Variants in SLFN12L observed in about 807,000 individuals in gnomAD.
SLFN12L encodes schlafen family member 12 like.
A neutral mutation model predicts 34.8 loss-of-function variants in SLFN12L; 34 were observed. The observed-to-expected ratio is 0.98, with a 90% confidence interval of 0.74 to 1.30. SLFN12L has a LOEUF of 1.30. Among genes scored for constraint, SLFN12L ranks in the 50% most tolerant of loss-of-function variants. SLFN12L has a pLI of 0.00. For synonymous variants in SLFN12L, 259 were observed against 247.5 expected (o/e 1.05, Z -0.44); for missense variants, 703 against 696.2 (o/e 1.01, Z -0.11).
At chr17:35,499,227 A>G (rs770593577) in intron 2 of SLFN12L, 2 of 904,034 alleles carry the variant, frequency 2.2e-6, no homozygotes, top group South Asian at 3.0e-5. Flanking sequence ...TAATTTGCTT[A>G]GAATGTCCTT....
Position 35,472,119 on chromosome 17 carries a change from T to A in SLFN12L, c.*2804A>T, listed in dbSNP as rs1177015720. ...GTTGCAATTGCTTTTGGTGTTTTTG[T>A]CATGAAGTCTTTGCCCATGCCTATG... On this transcript the variant is annotated 3_prime_UTR_variant, in exon 5 of 5. Transcript: ENST00000628453. Among the ~76,000 whole-genome samples, 2 of 152,226 alleles carry A rather than the reference T, an allele frequency of 1.3e-5. No individual in the cohort carries two copies. Among genetic ancestry groups the A allele is most frequent in the African/African-American group, 2.4e-5 (1 of 41,462 alleles).
intron 2 of SLFN12L, among the ~76,000 whole-genome samples, chr17:35,512,765 A>T (rs1915695311): frequency 6.6e-6 from 1 of 152,238 alleles, no homozygotes; most frequent in Admixed American, 6.5e-5. Context: ...GGCTTAATCA[A>T]CTGTGAAATG....
At chr17:35,524,056 T>C (rs528506596) in intron 1 of SLFN12L, among the ~76,000 whole-genome samples, 2 of 152,314 alleles carry the variant, frequency 1.3e-5, no homozygotes, top group South Asian at 4.1e-4. Context: ...TAATTTGAAA[T>C]TGAAATTACC....
At chr17:35,506,683 C>G (rs942975301) in intron 2 of SLFN12L, among the ~76,000 whole-genome samples, 5 of 152,274 alleles carry the variant, frequency 3.3e-5, no homozygotes, top group African/African-American at 1.2e-4. Context: ...ATAAGCCGAG[C>G]ATGTAGCCCA....
At chr17:35,516,744 A>G (rs1311389398) in intron 2 of SLFN12L, among the ~76,000 whole-genome samples, 3 of 152,258 alleles carry the variant, frequency 2.0e-5, no homozygotes, top group Admixed American at 1.3e-4. Flanking sequence ...AATGATCCAT[A>G]TACCAGTGCC....
At chr17:35,497,512 G>A (rs12451924) in intron 2 of SLFN12L, among the ~76,000 whole-genome samples, 62,253 of 152,098 alleles carry the variant, frequency 0.41, 15,017 homozygotes, top group Non-Finnish European at 0.52. Context: ...TACTCAGGAG[G>A]CTGGGCAGGG....
In SLFN12L at chr17:35,471,374, T is replaced by G. The variant is rs1913805844; in HGVS notation, c.*3549A>C. The stretch of plus-strand genomic sequence containing the variant: ...CTGGTCTCAAACTCCTGGCCTCAGG[T>G]GATCCACCCGCCTCAGCCTCCCAAA... On this transcript the variant is annotated 3_prime_UTR_variant, in exon 5 of 5. Transcript: ENST00000628453. Among the ~76,000 whole-genome samples, 1 of 152,114 alleles carries G rather than the reference T, an allele frequency of 6.6e-6. No homozygotes were observed. The highest frequency in any genetic ancestry group is 2.4e-5 in the African/African-American group (1 of 41,408).
rs1201885446 is a variant in SLFN12L, at chr17:35,467,884, T to C, written c.*7039A>G. On this transcript the variant is annotated 3_prime_UTR_variant, in exon 5 of 5. Transcript: ENST00000628453. ...TGCACACCATTCTGTTTTCTGTTTATCTTTTTTGTTTTGTTTGTTTGTTTT... is the reference window on the plus strand; with the variant it reads ...TGCACACCATTCTGTTTTCTGTTTACCTTTTTTGTTTTGTTTGTTTGTTTT... Among the ~76,000 whole-genome samples the C allele has an allele frequency of 6.6e-6, 1 of 152,118 alleles. No individual in the cohort carries two copies. Among genetic ancestry groups the C allele is most frequent in the African/African-American group, 2.4e-5 (1 of 41,396 alleles).
intron 2 of SLFN12L, chr17:35,498,916 AG>A (rs1915193957): frequency 1.7e-5 from 12 of 716,502 alleles, no homozygotes; most frequent in Non-Finnish European, 3.1e-5. Flanking sequence ...CCTATTCTGC[AG>A]AACGATGCTG....
Position 35,479,259 on chromosome 17 carries a change from A to G in SLFN12L, c.1023T>C (p.Cys341=). 1 of 1,592,894 alleles carries G rather than the reference A, an allele frequency of 6.3e-7. No individual in the cohort carries two copies. Among genetic ancestry groups the G allele is most frequent in the Non-Finnish European group, 8.6e-7 (1 of 1,168,102 alleles). ...FLGVYDKGRL[C]GYVYALRVER... ...CCACTCTGAGTGCATACACATATCCACAAAGCCTTCCTTTATCATATACTC... is the reference window on the plus strand; with the variant it reads ...CCACTCTGAGTGCATACACATATCCGCAAAGCCTTCCTTTATCATATACTC... Residue 341 remains cysteine, a synonymous_variant, in exon 3 of 5, where the codon TGT becomes TGC. Transcript: ENST00000628453.
At chr17:35,521,661 G>A (rs1908905235) in intron 2 of SLFN12L, among the ~76,000 whole-genome samples, 1 of 152,124 alleles carries the variant, frequency 6.6e-6, no homozygotes, top group South Asian at 2.1e-4. Context: ...GGAGTTCAGG[G>A]ATATGGTGAA....
chr17:35,485,609 G>A (rs1914548859), intron 2 of SLFN12L, among the ~76,000 whole-genome samples: 1 of 152,224 alleles, frequency 6.6e-6, no homozygotes, highest in Non-Finnish European at 1.5e-5. Flanking sequence ...GTCTAGAAGA[G>A]TATATCCTAG....
chr17:35,482,533 C>A (rs1465406494), intron 2 of SLFN12L, among the ~76,000 whole-genome samples: 2 of 152,166 alleles, frequency 1.3e-5, no homozygotes, highest in African/African-American at 4.8e-5. Context: ...AGAATCCTGC[C>A]CCACAACCCT....
At position 35,479,490 on chromosome 17, in the gene SLFN12L, G is replaced by A; in HGVS notation, c.792C>T (p.Leu264=). ...EKLLQRITEI[L]PQYVSAFANT... ...TTGCAAATGCAGAAACATATTGAGG[G>A]AGAATCTCTGTAATTCGTTGTAACA... The change falls in exon 3 of 5, where the codon CTC becomes CTT. Residue 264 remains leucine (L), a synonymous_variant. Transcript: ENST00000628453. 2 of 1,614,148 alleles carry A rather than the reference G, an allele frequency of 1.2e-6. No homozygotes were observed. The highest frequency in any genetic ancestry group is 8.5e-7 in the Non-Finnish European group (1 of 1,180,018).
chr17:35,511,739 A>G (rs1025118749), intron 2 of SLFN12L, among the ~76,000 whole-genome samples: 1 of 152,210 alleles, frequency 6.6e-6, no homozygotes, highest in Admixed American at 6.5e-5. Flanking sequence ...ACAAAGCAAG[A>G]CTTCATCTCT....
chr17:35,497,900 T>C (rs139391811), intron 2 of SLFN12L, among the ~76,000 whole-genome samples: 1 of 152,302 alleles, frequency 6.6e-6, no homozygotes, highest in East Asian at 1.9e-4. Context: ...GAAAGGATTC[T>C]TGGGCCAGGC....
At chr17:35,493,499 G>A (rs1480939377) in intron 2 of SLFN12L, among the ~76,000 whole-genome samples, 8 of 152,258 alleles carry the variant, frequency 5.3e-5, no homozygotes, top group South Asian at 4.1e-4. Flanking sequence ...ATGTAATGCC[G>A]TATTTATTGT....
In SLFN12L at chr17:35,480,150, G is replaced by T. The variant is rs765158757; in HGVS notation, c.132C>A (p.Asn44Lys). 9.3e-6 allele frequency: 15 copies of T among 1,605,414 alleles called. No individual in the cohort carries two copies. Among genetic ancestry groups the T allele is most frequent in the Non-Finnish European group, 1.3e-5 (15 of 1,176,130 alleles). The change falls in exon 3 of 5, where the codon AAC becomes AAA. Residue 44 changes from asparagine (N) to lysine (K), a missense_variant. Asn to Lys is a moderately conservative substitution (Grantham distance 94). Transcript: ENST00000628453. ...RGNGLAAGKM[N>K]ISIDLDTNYA... ...AGTTTGTGTCTAAATCAATACTGATGTTCATTTTCCCAGCAGCTAAGCCAT... is the reference window on the plus strand; with the variant it reads ...AGTTTGTGTCTAAATCAATACTGATTTTCATTTTCCCAGCAGCTAAGCCAT...
In SLFN12L at chr17:35,522,522, C is replaced by T. The variant is rs965305467; in HGVS notation, c.-158G>A. 6.2e-7 allele frequency: 1 copy of T among 1,612,516 alleles called. No individual in the cohort carries two copies. Among genetic ancestry groups the T allele is most frequent in the African/African-American group, 1.3e-5 (1 of 74,986 alleles). The stretch of plus-strand genomic sequence containing the variant: ...CAGGTCACTCAAGAGAGACCTGAAG[C>T]CGAGCAAGACAATCACGAGGGACTG... On this transcript the variant is annotated 5_prime_UTR_variant, in exon 2 of 5. Coordinates refer to ENST00000628453, the MANE Select transcript of SLFN12L (RefSeq NM_001363830.2).
Sources: gnomAD v4.1 joint callset for allele counts (sites outside exome capture counted in the v4.1 genomes callset) on GRCh38, gnomAD v4.1.1 for gene constraint, MANE v1.5 for transcripts, NCBI Gene and HGNC (gene_info 2026-07-23, HGNC 2026-07-21) for gene names.